Variants in DIAPH2 observed in about 807,000 individuals in gnomAD.
DIAPH2 encodes the protein diaphanous related formin 2, also known as protein diaphanous homolog 2.
Under a neutral mutation model 92.7 loss-of-function variants are expected in DIAPH2, and 35 were observed. The observed-to-expected ratio is 0.38, with a 90% CI of 0.29 to 0.50. The LOEUF is 0.50. Ranked by LOEUF, DIAPH2 falls within the 20% of genes least tolerant of loss-of-function variation. The pLI is 0.94. For synonymous variants in DIAPH2, 301 were observed against 280.4 expected (o/e 1.07, Z -0.73); for missense variants, 701 against 819.5 (o/e 0.86, Z 1.77).
intron 19 of DIAPH2, among the ~76,000 whole-genome samples, chrX:97,090,937 G>A (rs747309349): frequency 1.4e-4 from 16 of 111,821 alleles, no homozygotes; most frequent in Admixed American, 1.3e-3. Flanking sequence ...CTGAATCTGA[G>A]GCTCATCAAC....
intron 26 of DIAPH2, among the ~76,000 whole-genome samples, chrX:97,431,011 A>G (rs1208930661): frequency 8.9e-6 from 1 of 112,090 alleles, no homozygotes; most frequent in Non-Finnish European, 1.9e-5. Flanking sequence ...ATGGCCTACA[A>G]AAAGGGTGGA....
chrX:97,210,740 A>G (rs938556302), intron 22 of DIAPH2, among the ~76,000 whole-genome samples: 2 of 112,006 alleles, frequency 1.8e-5, no homozygotes, highest in African/African-American at 6.5e-5. Flanking sequence ...ATGATTGATG[A>G]CATTCTCTTG....
At chrX:97,120,732 A>G (rs1361968534) in intron 21 of DIAPH2, among the ~76,000 whole-genome samples, 1 of 106,247 alleles carries the variant, frequency 9.4e-6, no homozygotes, top group Non-Finnish European at 1.9e-5. Context: ...AAAAGATTGG[A>G]CACCCATGAT....
At chrX:97,067,130 T>TA (rs1478795356) in intron 17 of DIAPH2, among the ~76,000 whole-genome samples, 5 of 111,850 alleles carry the variant, frequency 4.5e-5, no homozygotes, top group Non-Finnish European at 7.5e-5. Context: ...TCTTCCTGCC[T>TA]ATTGCATCAG....
chrX:96,753,538 A>C (rs2064206588), intron 3 of DIAPH2, among the ~76,000 whole-genome samples: 1 of 111,979 alleles, frequency 8.9e-6, no homozygotes, highest in African/African-American at 3.2e-5. Flanking sequence ...TTCAAATAAC[A>C]TTTATGTGGC....
chrX:97,129,770 T>C (rs1188071201), intron 21 of DIAPH2, among the ~76,000 whole-genome samples: 1 of 110,719 alleles, frequency 9.0e-6, no homozygotes, highest in Non-Finnish European at 1.9e-5. Flanking sequence ...TGGAGACATA[T>C]ACAAGAATGA....
chrX:97,512,446 CT>C (rs1326873897), intron 26 of DIAPH2, among the ~76,000 whole-genome samples: 2 of 91,209 alleles, frequency 2.2e-5, no homozygotes, highest in African/African-American at 8.3e-5. Context: ...TTTGTTGATC[CT>C]TTTAAAAAAC....
chrX:96,816,726 TA>T (rs2064738526), intron 4 of DIAPH2, among the ~76,000 whole-genome samples: 1 of 112,261 alleles, frequency 8.9e-6, no homozygotes, highest in African/African-American at 3.2e-5. Context: ...CTGCTGGGTA[TA>T]TACCCAAAAG....
At chrX:96,740,869 C>A (rs989663748) in intron 3 of DIAPH2, among the ~76,000 whole-genome samples, 1 of 111,060 alleles carries the variant, frequency 9.0e-6, no homozygotes, top group Non-Finnish European at 1.9e-5. Flanking sequence ...TGTCCCTACT[C>A]CGTTCCCTCA....
chrX:96,703,275 T>C (rs770206042), intron 1 of DIAPH2, among the ~76,000 whole-genome samples: 1 of 112,005 alleles, frequency 8.9e-6, no homozygotes, highest in Admixed American at 9.5e-5. Flanking sequence ...TATCTTACTT[T>C]AGACATTTTA....
At chrX:96,778,440 C>T (rs1290406765) in intron 4 of DIAPH2, among the ~76,000 whole-genome samples, 1 of 110,066 alleles carries the variant, frequency 9.1e-6, no homozygotes, top group African/African-American at 3.3e-5. Context: ...TTTTCTGAGC[C>T]TTAGTTGCCT....
At chrX:97,493,355 G>A (rs1379235463) in intron 26 of DIAPH2, among the ~76,000 whole-genome samples, 19 of 110,839 alleles carry the variant, frequency 1.7e-4, no homozygotes, top group African/African-American at 4.9e-4. Context: ...TCTGCCTCCC[G>A]GGTTCAAGCT....
intron 22 of DIAPH2, among the ~76,000 whole-genome samples, chrX:97,218,497 G>A (rs1223418223): frequency 9.0e-6 from 1 of 111,131 alleles, no homozygotes; most frequent in Non-Finnish European, 1.9e-5. Context: ...AATGATCTTA[G>A]TTGTTACTGA....
At chrX:97,081,343 C>T (rs1406760985) in intron 19 of DIAPH2, among the ~76,000 whole-genome samples, 1 of 111,172 alleles carries the variant, frequency 9.0e-6, no homozygotes, top group Non-Finnish European at 1.9e-5. Flanking sequence ...TACACATATT[C>T]CAAGCAAATG....
intron 15 of DIAPH2, among the ~76,000 whole-genome samples, chrX:96,953,454 T>G (rs2147813481): frequency 8.9e-6 from 1 of 111,783 alleles, no homozygotes; most frequent in South Asian, 3.8e-4. Context: ...ATTTTAAACT[T>G]TCATAAAAGA....
At chrX:97,514,101 G>A (rs1215417067) in intron 26 of DIAPH2, among the ~76,000 whole-genome samples, 1 of 106,915 alleles carries the variant, frequency 9.4e-6, no homozygotes, top group African/African-American at 3.5e-5. Context: ...ATCCTGCAGA[G>A]TGTTTTCCAA....
chrX:96,942,271 G>A, intron 13 of DIAPH2, 135 bp downstream of exon 13: 2 of 455,874 alleles, frequency 4.4e-6, no homozygotes, highest in Non-Finnish European at 7.7e-6. Context: ...AAATCATTGT[G>A]TCTCTGGGCA....
chrX:97,128,253 A>G (rs780092876), intron 21 of DIAPH2, among the ~76,000 whole-genome samples: 9 of 111,209 alleles, frequency 8.1e-5, no homozygotes, highest in Non-Finnish European at 1.3e-4. Context: ...GTATAGGATA[A>G]CTTCCTGACA....
At chrX:97,555,633 TAGTA>T (rs1188557520) in intron 26 of DIAPH2, among the ~76,000 whole-genome samples, 1 of 111,573 alleles carries the variant, frequency 9.0e-6, no homozygotes, top group Admixed American at 9.5e-5. Context: ...GGAAAAAAGA[TAGTA>T]AGGTAGAAAA....
Sources: gnomAD v4.1 joint callset for allele counts (sites outside exome capture counted in the v4.1 genomes callset) on GRCh38, gnomAD v4.1.1 for gene constraint, MANE v1.5 for transcripts, NCBI Gene and HGNC (gene_info 2026-07-23, HGNC 2026-07-21) for gene names.